ARL14EPL: variants seen among roughly 807,000 people sequenced by gnomAD.
ARL14EPL encodes ARF like GTPase 14 effector protein like.
Under a neutral mutation model 15.9 loss-of-function variants are expected in ARL14EPL, and 17 were observed. That is an observed-to-expected ratio of 1.07 (90% confidence interval 0.73 to 1.60). The LOEUF is 1.60. ARL14EPL is among the 40% of genes most tolerant of loss of function. ARL14EPL has a pLI of 0.00. For missense variants in ARL14EPL, 214 were observed against 185.9 expected (o/e 1.15, Z -0.88); for synonymous variants, 78 against 63.8 (o/e 1.22, Z -1.06).
At position 116,057,109 on chromosome 5, in the gene ARL14EPL, G is replaced by A. The variant is rs1749534865; in HGVS notation, c.237-1616G>A. Among the ~76,000 whole-genome samples the A allele has an allele frequency of 2.0e-5, 3 of 152,340 alleles. No individual in the cohort carries two copies. The South Asian group carries it at 6.2e-4, about 32-fold the overall frequency. The stretch of plus-strand genomic sequence containing the variant: ...AGTGGGCTTCATCCCTGGGATGCAA[G>A]GCTGGTTCAACACATGCAAATCAAT... On this transcript the variant is annotated intron_variant, in intron 3 of 3. Coordinates refer to ENST00000686077, the MANE Select transcript of ARL14EPL (RefSeq NM_001195581.2).
At chr5:116,055,896 T>C (rs1749505798) in intron 3 of ARL14EPL, among the ~76,000 whole-genome samples, 1 of 151,578 alleles carries the variant, frequency 6.6e-6, no homozygotes, top group Non-Finnish European at 1.5e-5. Flanking sequence ...GAACATGCGG[T>C]GTTTGGTTTT....
chr5:116,050,896 A>G (rs1749363246), intron 1 of ARL14EPL, among the ~76,000 whole-genome samples: 1 of 151,976 alleles, frequency 6.6e-6, no homozygotes, highest in Non-Finnish European at 1.5e-5. Context: ...GAAGTAATTT[A>G]GAAGAAGTAA....
At chr5:116,049,728 T>G (rs1226788408) in intron 1 of ARL14EPL, among the ~76,000 whole-genome samples, 1 of 152,316 alleles carries the variant, frequency 6.6e-6, no homozygotes, top group Non-Finnish European at 1.5e-5. Context: ...AAAAGAGAGA[T>G]AAGTTGGCTA....
chr5:116,036,532 C>T (rs12651742), intron 1 of ARL14EPL, among the ~76,000 whole-genome samples: 7,216 of 152,236 alleles, frequency 0.047, 339 homozygotes, highest in East Asian at 0.16. Context: ...ATTATTTAGA[C>T]ATGTTTTTAG....
At chr5:116,045,733 T>C (rs1371499592) in intron 1 of ARL14EPL, among the ~76,000 whole-genome samples, 1 of 144,868 alleles carries the variant, frequency 6.9e-6, no homozygotes, top group Non-Finnish European at 1.5e-5. Context: ...TTGTTTCATA[T>C]AGACCCACAG....
intron 1 of ARL14EPL, among the ~76,000 whole-genome samples, chr5:116,045,965 T>C (rs149352700): frequency 1.3e-3 from 199 of 152,314 alleles, no homozygotes; most frequent in African/African-American, 4.6e-3. Context: ...CTTGTGGTTT[T>C]GAAAACAGCT....
chr5:116,047,678 A>T (rs1311058370), intron 1 of ARL14EPL, among the ~76,000 whole-genome samples: 4 of 152,214 alleles, frequency 2.6e-5, no homozygotes, highest in African/African-American at 7.2e-5. Flanking sequence ...CCTTCTGGGT[A>T]TAAGGCAGGA....
chr5:116,035,195 A>G (rs141156774), intron 1 of ARL14EPL, among the ~76,000 whole-genome samples: 5 of 152,126 alleles, frequency 3.3e-5, no homozygotes, highest in African/African-American at 1.2e-4. Context: ...CCATGTCTCA[A>G]GCTGGTCATT....
At chr5:116,053,805 C>T (rs946441740) in intron 2 of ARL14EPL, among the ~76,000 whole-genome samples, 2 of 152,160 alleles carry the variant, frequency 1.3e-5, no homozygotes, top group Non-Finnish European at 2.9e-5. Flanking sequence ...GAGTGTTATA[C>T]TATTTCTTTA....
Position 116,045,445 on chromosome 5 carries a change from G to T in ARL14EPL, c.-9-6012G>T, listed in dbSNP as rs1468968061. On this transcript the variant is annotated intron_variant, in intron 1 of 3. Coordinates refer to ENST00000686077, the MANE Select transcript of ARL14EPL (RefSeq NM_001195581.2). Reference sequence around the variant, plus strand: ...GGAGGGGGGTAAACAGAAGGGGTTGGTTTTTCACAAACCTTAAAATTGCAA... The same window carrying T: ...GGAGGGGGGTAAACAGAAGGGGTTGTTTTTTCACAAACCTTAAAATTGCAA... Among the ~76,000 whole-genome samples, 3 of 152,072 alleles carry T rather than the reference G, an allele frequency of 2.0e-5. No homozygotes were observed. In the East Asian group the frequency reaches 5.8e-4, roughly 29 times the overall value.
At chr5:116,036,417 G>T (rs1313382678) in intron 1 of ARL14EPL, among the ~76,000 whole-genome samples, 1 of 110,438 alleles carries the variant, frequency 9.1e-6, no homozygotes, top group Non-Finnish European at 2.0e-5. Context: ...GTCCAAACAA[G>T]GAAAATTTCC....
intron 3 of ARL14EPL, among the ~76,000 whole-genome samples, chr5:116,054,574 G>C (rs1245834759): frequency 6.6e-6 from 1 of 152,214 alleles, no homozygotes; most frequent in East Asian, 1.9e-4. Context: ...GCTCACACCT[G>C]TAATTCCAAC....
At chr5:116,046,514 T>A (rs939897576) in intron 1 of ARL14EPL, among the ~76,000 whole-genome samples, 1 of 152,190 alleles carries the variant, frequency 6.6e-6, no homozygotes, top group African/African-American at 2.4e-5. Context: ...GATAGAGGTA[T>A]GGACCTGGTG....
At chr5:116,041,111 A>G (rs1000157337) in intron 1 of ARL14EPL, among the ~76,000 whole-genome samples, 2 of 152,208 alleles carry the variant, frequency 1.3e-5, no homozygotes, top group Middle Eastern at 3.4e-3. Context: ...TTATCCCCCA[A>G]CAGTTTCCCT....
chr5:116,051,667 C>A (rs1749382351), intron 2 of ARL14EPL, 106 bp downstream of exon 2: 1 of 965,600 alleles, frequency 1.0e-6, no homozygotes, highest in Non-Finnish European at 1.5e-6. Flanking sequence ...GGCAGGACCT[C>A]ACAGGGAGGA....
At chr5:116,052,615 C>G (rs13354172) in intron 2 of ARL14EPL, among the ~76,000 whole-genome samples, 8,949 of 152,160 alleles carry the variant, frequency 0.059, 744 homozygotes, top group African/African-American at 0.18. Flanking sequence ...GTAATCGCTT[C>G]GTACTAAGTT....
chr5:116,039,023 C>G (rs1749100488), intron 1 of ARL14EPL, among the ~76,000 whole-genome samples: 1 of 152,110 alleles, frequency 6.6e-6, no homozygotes, highest in African/African-American at 2.4e-5. Flanking sequence ...GACAAACCGC[C>G]CTTGCTGTCT....
At chr5:116,057,070 A>T (rs889624977) in intron 3 of ARL14EPL, among the ~76,000 whole-genome samples, 2 of 152,250 alleles carry the variant, frequency 1.3e-5, no homozygotes, top group African/African-American at 4.8e-5. Context: ...CAAAAAGTTT[A>T]TCCACCATGA....
intron 2 of ARL14EPL, 33 bp from the exon 3 acceptor site, chr5:116,053,981 T>C: frequency 6.6e-7 from 1 of 1,504,350 alleles, no homozygotes; most frequent in South Asian, 1.3e-5. Context: ...AACTATCTGG[T>C]TCTTACTATT....
Sources: gnomAD v4.1 joint callset for allele counts (sites outside exome capture counted in the v4.1 genomes callset) on GRCh38, gnomAD v4.1.1 for gene constraint, MANE v1.5 for transcripts, NCBI Gene and HGNC (gene_info 2026-07-23, HGNC 2026-07-21) for gene names.